Variants in DCC observed in about 807,000 individuals in gnomAD.
DCC encodes the protein DCC netrin 1 receptor, also known as netrin receptor DCC.
In DCC, 58 loss-of-function variants were observed where a neutral mutation model predicts 172.5. The ratio of observed to expected loss-of-function variants is 0.34; its 90% confidence interval spans 0.27 to 0.42. The LOEUF (loss-of-function observed/expected upper bound fraction) is 0.42. Ranked by LOEUF, DCC falls within the 10% of genes least tolerant of loss-of-function variation. DCC has a pLI of 1.00. For missense variants in DCC, 1,740 were observed against 1,791.0 expected (o/e 0.97, Z 0.51); for synonymous variants, 709 against 644.5 (o/e 1.10, Z -1.52).
At chr18:53,206,480 A>G (rs964110602) in intron 10 of DCC, among the ~76,000 whole-genome samples, 2 of 138,140 alleles carry the variant, frequency 1.4e-5, no homozygotes, top group Non-Finnish European at 3.0e-5. Flanking sequence ...AGTATATATA[A>G]TATATAATGT....
chr18:52,491,291 G>A (rs545762260), intron 1 of DCC, among the ~76,000 whole-genome samples: 57 of 152,164 alleles, frequency 3.7e-4, no homozygotes, highest in African/African-American at 1.3e-3. Flanking sequence ...GGAATTTGCA[G>A]TCTAATGGAG....
chr18:52,898,921 G>C lies in DCC; in HGVS notation c.413-7123G>C, dbSNP rs144770976. 1.2e-3 allele frequency among the ~76,000 whole-genome samples: 185 copies of C among 152,150 alleles called. 1 individual carries two copies. Among genetic ancestry groups the C allele is most frequent in the African/African-American group, 4.2e-3 (175 of 41,506 alleles). ...TGAGACCACTGATAACTTTGTTCCT[G>C]GGGACAGTGATGTGAAGGGAGGATG... On this transcript the variant is annotated intron_variant, in intron 2 of 28. Coordinates refer to ENST00000442544, the MANE Select transcript of DCC (RefSeq NM_005215.4).
chr18:52,903,274 T>C (rs1377603619), intron 2 of DCC, among the ~76,000 whole-genome samples: 1 of 152,192 alleles, frequency 6.6e-6, no homozygotes, highest in Non-Finnish European at 1.5e-5. Context: ...GGCACAGTCT[T>C]AGCTCACTGC....
chr18:52,388,337 G>T (rs1423782177), intron 1 of DCC, among the ~76,000 whole-genome samples: 1 of 151,400 alleles, frequency 6.6e-6, no homozygotes, highest in Admixed American at 6.6e-5. Flanking sequence ...CTAGTAATTT[G>T]TTGCTTTGTA....
chr18:53,515,072 C>G (rs1452449630), intron 27 of DCC, among the ~76,000 whole-genome samples: 1 of 152,002 alleles, frequency 6.6e-6, no homozygotes, highest in Non-Finnish European at 1.5e-5. Flanking sequence ...CAACACGAAT[C>G]CAGCAGCACA....
rs150498708 is a variant in DCC, at chr18:52,687,363, C to A, written c.92-64691C>A. Among the ~76,000 whole-genome samples, 679 of 149,032 alleles carry A rather than the reference C, an allele frequency of 4.6e-3. 9 individuals carry two copies. Among genetic ancestry groups the A allele is most frequent in the African/African-American group, 0.016 (637 of 40,286 alleles). ...GTGATGGTGTGGTCTCAGCTCACTGCAACCTCCACTTCCCAGGTTCAAGCA... is the reference window on the plus strand; with the variant it reads ...GTGATGGTGTGGTCTCAGCTCACTGAAACCTCCACTTCCCAGGTTCAAGCA... On this transcript the variant is annotated intron_variant, in intron 1 of 28. Coordinates refer to ENST00000442544, the MANE Select transcript of DCC (RefSeq NM_005215.4).
intron 2 of DCC, among the ~76,000 whole-genome samples, chr18:52,800,081 G>A (rs1479490649): frequency 6.6e-6 from 1 of 152,154 alleles, no homozygotes; most frequent in Non-Finnish European, 1.5e-5. Flanking sequence ...CTTTTATTAT[G>A]ATAAATAGTG....
chr18:53,492,913 A>G (rs554156455), intron 26 of DCC, among the ~76,000 whole-genome samples: 1 of 152,128 alleles, frequency 6.6e-6, no homozygotes, highest in African/African-American at 2.4e-5. Flanking sequence ...ATTTTGGGCA[A>G]TGTGGTCATT....
chr18:53,342,864 A>G (rs2057677709), intron 15 of DCC, among the ~76,000 whole-genome samples: 1 of 147,794 alleles, frequency 6.8e-6, no homozygotes, highest in Non-Finnish European at 1.5e-5. Flanking sequence ...ACATATGTAT[A>G]TTATATATAT....
Position 53,475,342 on chromosome 18 carries a change from A to G in DCC, c.3736+7332A>G, listed in dbSNP as rs145226367. On this transcript the variant is annotated intron_variant, in intron 25 of 28. Transcript: ENST00000442544. ...ATAATAGGGGAAATGTTTCCAGGGC[A>G]TGTCAGAAGTCTTCACAGCAGCCCC... 6.0e-3 allele frequency among the ~76,000 whole-genome samples: 915 copies of G among 152,312 alleles called. 6 individuals carry two copies. Among genetic ancestry groups the G allele is most frequent in the African/African-American group, 0.021 (867 of 41,580 alleles).
intron 7 of DCC, among the ~76,000 whole-genome samples, chr18:53,133,944 G>C (rs974131332): frequency 5.9e-5 from 9 of 152,304 alleles, no homozygotes; most frequent in Admixed American, 1.3e-4. Flanking sequence ...TGGAAAAATA[G>C]TTGAGAGGAG....
chr18:53,226,178 C>G (rs971843313), intron 12 of DCC, among the ~76,000 whole-genome samples: 5 of 151,930 alleles, frequency 3.3e-5, no homozygotes, highest in Admixed American at 1.3e-4. Flanking sequence ...GGATAGGGCC[C>G]AATGCTAAGG....
At chr18:52,879,490 C>T (rs1568164408) in intron 2 of DCC, among the ~76,000 whole-genome samples, 1 of 135,376 alleles carries the variant, frequency 7.4e-6, no homozygotes, top group Non-Finnish European at 1.5e-5. Flanking sequence ...GTGGCACGAT[C>T]TCGGCTCACT....
At chr18:52,965,775 C>G (rs1162734618) in intron 5 of DCC, among the ~76,000 whole-genome samples, 6 of 152,162 alleles carry the variant, frequency 3.9e-5, no homozygotes, top group African/African-American at 1.4e-4. Flanking sequence ...TAAGATCATA[C>G]TTGGTGGCAA....
At chr18:53,062,041 CT>C (rs1303565073) in intron 5 of DCC, among the ~76,000 whole-genome samples, 2 of 151,840 alleles carry the variant, frequency 1.3e-5, no homozygotes, top group Non-Finnish European at 2.9e-5. Context: ...GTGAATTTGA[CT>C]AAGGAATCAA....
At chr18:53,012,387 T>TC (rs1293563091) in intron 5 of DCC, among the ~76,000 whole-genome samples, 1 of 151,930 alleles carries the variant, frequency 6.6e-6, no homozygotes, top group Non-Finnish European at 1.5e-5. Flanking sequence ...TATGAATAAA[T>TC]CTTAAAAACA....
At chr18:53,483,107 A>G (rs2045855903) in intron 25 of DCC, among the ~76,000 whole-genome samples, 1 of 151,892 alleles carries the variant, frequency 6.6e-6, no homozygotes, top group Non-Finnish European at 1.5e-5. Flanking sequence ...AAAGACAACA[A>G]AATTATAACT....
intron 3 of DCC, among the ~76,000 whole-genome samples, chr18:52,911,658 TA>T (rs1242999001): frequency 3.9e-5 from 6 of 151,958 alleles, no homozygotes; most frequent in Non-Finnish European, 7.4e-5. Flanking sequence ...GACATAAACA[TA>T]CACCCAAAAA....
At chr18:53,270,187 C>G (rs576224484) in intron 12 of DCC, among the ~76,000 whole-genome samples, 6 of 152,254 alleles carry the variant, frequency 3.9e-5, no homozygotes, top group African/African-American at 1.4e-4. Flanking sequence ...TATTTTAAGA[C>G]AGATGCACAA....
Sources: gnomAD v4.1 joint callset for allele counts (sites outside exome capture counted in the v4.1 genomes callset) on GRCh38, gnomAD v4.1.1 for gene constraint, MANE v1.5 for transcripts, NCBI Gene and HGNC (gene_info 2026-07-23, HGNC 2026-07-21) for gene names.